FHAD1: variants seen among roughly 807,000 people sequenced by gnomAD.
The protein encoded by FHAD1 is forkhead-associated domain-containing protein 1.
FHAD1 carries 146 observed loss-of-function variants against 191.3 expected under a neutral mutation model. That is an observed-to-expected ratio of 0.76 (90% CI 0.67 to 0.88). The LOEUF (loss-of-function observed/expected upper bound fraction) is 0.88, where lower values mean the gene tolerates loss of function less well. FHAD1 is among the 40% of genes least tolerant of loss of function. The pLI is 0.00. For synonymous variants in FHAD1, 616 were observed against 672.3 expected (o/e 0.92, Z 1.29); for missense variants, 1,635 against 1,785.8 (o/e 0.92, Z 1.52).
intron 11 of FHAD1, 167 bp downstream of exon 11, chr1:15,324,726 G>A: frequency 1.6e-6 from 1 of 621,038 alleles, no homozygotes; most frequent in South Asian, 1.9e-5. Flanking sequence ...CCACCCCCAT[G>A]GACATCGCTT....
chr1:15,360,657 TA>T lies in FHAD1; in HGVS notation c.2923del (p.Ile975Ter), dbSNP rs769346962. 2 of 1,551,492 alleles carry T rather than the reference TA, an allele frequency of 1.3e-6. No homozygotes were observed. Among genetic ancestry groups the T allele is most frequent in the Non-Finnish European group, 8.7e-7 (1 of 1,146,998 alleles). ...EKLQKVTQHH[K>X]KIEGEIATLK... ...AACTCCAGAAAGTCACTCAGCACCA[TA>T]AAAAAATAGAAGGCGAGATTGCAAC... On this transcript the variant is annotated frameshift_variant, in exon 22 of 34. Transcript: ENST00000688493. LOFTEE classifies it high-confidence loss of function.
intron 3 of FHAD1, among the ~76,000 whole-genome samples, chr1:15,284,976 T>A (rs928620672): frequency 6.6e-6 from 1 of 152,218 alleles, no homozygotes; most frequent in Non-Finnish European, 1.5e-5. Flanking sequence ...AAGTATTTTT[T>A]AACTAATATT....
chr1:15,374,579 C>T lies in FHAD1; in HGVS notation c.3525C>T (p.Ala1175=), dbSNP rs751355105. 2 of 1,551,708 alleles carry T rather than the reference C, an allele frequency of 1.3e-6. No individual in the cohort carries two copies. The highest frequency in any genetic ancestry group is 8.7e-7 in the Non-Finnish European group (1 of 1,147,002). The change falls in exon 27 of 34, where the codon GCC becomes GCT. Residue 1175 remains alanine (A), a synonymous_variant. Coordinates refer to ENST00000688493, the MANE Select transcript of FHAD1 (RefSeq NM_001391957.1). ...HEEVIQRQKK[A]LSELRARIKE... is the part of the protein sequence containing the mutation. The stretch of plus-strand genomic sequence containing the variant: ...AGGTCATTCAGCGTCAGAAAAAGGC[C>T]TTATCTGAACTTCGAGCGCGAATTA...
intron 6 of FHAD1, among the ~76,000 whole-genome samples, chr1:15,304,381 TGAA>T (rs1394576264): frequency 2.6e-5 from 4 of 152,228 alleles, no homozygotes; most frequent in Non-Finnish European, 4.4e-5. Context: ...ATGAAATTGA[TGAA>T]GATGTTTGAA....
Position 15,305,858 on chromosome 1 carries a change from G to A in FHAD1, c.916-2755G>A, listed in dbSNP as rs866982353. ...AATCTCTTTTTCTTCCCAGTATCGG[G>A]TATGGCTTTATCAGCAGTGTGAAAA... is the stretch of plus-strand genomic sequence containing the variant. On this transcript the variant is annotated intron_variant, in intron 6 of 33. Coordinates refer to ENST00000688493, the MANE Select transcript of FHAD1 (RefSeq NM_001391957.1). 4.4e-5 allele frequency: 17 copies of A among 386,558 alleles called. 1 individual carries two copies. Among genetic ancestry groups the A allele is most frequent in the Middle Eastern group, 8.4e-4 (1 of 1,190 alleles). 23.9% of individuals were successfully genotyped at this position (386,558 alleles called of 1,614,324 possible).
intron 2 of FHAD1, among the ~76,000 whole-genome samples, chr1:15,265,825 G>C (rs1557951964): frequency 6.6e-6 from 1 of 151,842 alleles, no homozygotes; most frequent in Admixed American, 6.6e-5. Flanking sequence ...TACAAAATTA[G>C]CTGGATGTGG....
chr1:15,380,819 C>A (rs1700724420), intron 29 of FHAD1, 23 bp downstream of exon 29: 1 of 1,542,890 alleles, frequency 6.5e-7, no homozygotes, highest in Non-Finnish European at 8.8e-7. Flanking sequence ...AGCATCCACC[C>A]TGCTCCTATC....
intron 23 of FHAD1, 107 bp downstream of exon 23, chr1:15,362,833 C>A: frequency 1.2e-6 from 1 of 834,780 alleles, no homozygotes; most frequent in Non-Finnish European, 2.0e-6. Flanking sequence ...AGAAGCCAAA[C>A]AAGGAGCCGG....
upstream of FHAD1, among the ~76,000 whole-genome samples, chr1:15,244,622 G>A (rs1339230741): frequency 1.3e-5 from 2 of 152,130 alleles, no homozygotes; most frequent in Non-Finnish European, 1.5e-5. The surrounding 1 kb of genome is among the most constrained non-coding windows in gnomAD (Gnocchi z 5.1). Context: ...AGGAGGCCGG[G>A]CTTCAGAAGG....
chr1:15,353,639 A>G (rs1354495906), intron 20 of FHAD1, among the ~76,000 whole-genome samples: 1 of 130,756 alleles, frequency 7.6e-6, no homozygotes, highest in Non-Finnish European at 1.6e-5. Context: ...TGGGAGGCGG[A>G]GGTTGCAGGG....
chr1:15,297,194 G>T (rs1038690529), intron 5 of FHAD1, among the ~76,000 whole-genome samples: 2 of 152,202 alleles, frequency 1.3e-5, no homozygotes, highest in African/African-American at 4.8e-5. Flanking sequence ...CTAGTGGGAG[G>T]AAGTGAGAGC....
chr1:15,316,166 C>CT lies in FHAD1; in HGVS notation c.1171-211dup. Among the ~76,000 whole-genome samples the CT allele has an allele frequency of 6.6e-6, 1 of 152,220 alleles. No homozygotes were observed. The highest frequency in any genetic ancestry group is 1.5e-5 in the Non-Finnish European group (1 of 68,034). ...AGATGAGAGTAGTGGCTTTATTCCT[C>CT]TGATTTCCTGAGTGGAGAAGCAGGA... On this transcript the variant is annotated intron_variant, in intron 8 of 33. Transcript: ENST00000688493. This position sits in a 1 kb window ranked among gnomAD's most constrained non-coding sequence, Gnocchi z 4.3.
intron 31 of FHAD1, among the ~76,000 whole-genome samples, chr1:15,386,857 T>G (rs1557444316): frequency 6.6e-6 from 1 of 151,696 alleles, no homozygotes; most frequent in Non-Finnish European, 1.5e-5. Context: ...TTCTTTTTTT[T>G]TTTGTTTGTT....
intron 19 of FHAD1, among the ~76,000 whole-genome samples, chr1:15,351,385 G>A (rs756294622): frequency 6.6e-6 from 1 of 152,066 alleles, no homozygotes; most frequent in Non-Finnish European, 1.5e-5. Flanking sequence ...TTTTTAAAAA[G>A]TCTCCTGCCT....
At chr1:15,368,237 G>T (rs901695093) in intron 25 of FHAD1, among the ~76,000 whole-genome samples, 1 of 152,060 alleles carries the variant, frequency 6.6e-6, no homozygotes, top group Non-Finnish European at 1.5e-5. Context: ...GCCTCCCAAA[G>T]TGCTGGGATT....
At chr1:15,247,100 C>T (rs1454197822), upstream of FHAD1, among the ~76,000 whole-genome samples, 1 of 152,238 alleles carries the variant, frequency 6.6e-6, no homozygotes, top group African/African-American at 2.4e-5. Context: ...GGGGCAGGCT[C>T]GTGGGGCCTG....
At chr1:15,265,078 A>G (rs1573778485) in intron 2 of FHAD1, among the ~76,000 whole-genome samples, 1 of 152,282 alleles carries the variant, frequency 6.6e-6, no homozygotes, top group East Asian at 1.9e-4. Context: ...GTTTGCTAAT[A>G]TTTTGTTGAA....
At chr1:15,309,233 C>A (rs951284255) in intron 7 of FHAD1, among the ~76,000 whole-genome samples, 3 of 152,234 alleles carry the variant, frequency 2.0e-5, no homozygotes, top group African/African-American at 4.8e-5. Context: ...GGCAAGGGGG[C>A]AGCCAACTCA....
chr1:15,239,524 G>T (rs1342612792), intron 1 of FHAD1, among the ~76,000 whole-genome samples: 1 of 152,164 alleles, frequency 6.6e-6, no homozygotes, highest in East Asian at 1.9e-4. Context: ...GGAGGCGGAG[G>T]TCACAGTGAG....
Sources: allele counts gnomAD v4.1 joint callset (sites outside exome capture counted in the v4.1 genomes callset), GRCh38; gene constraint gnomAD v4.1.1; non-coding constraint Gnocchi (gnomAD v3.1); transcripts MANE v1.5; gene names NCBI Gene and HGNC (gene_info 2026-07-23, HGNC 2026-07-21).